The following STEAP1B variants were observed in gnomAD, a reference collection of about 807,000 sequenced individuals.
STEAP1B encodes STEAP family protein MGC87042.
In STEAP1B, 13 loss-of-function variants were observed where a neutral mutation model predicts 27.9. That is an observed-to-expected ratio of 0.47 (90% confidence interval 0.30 to 0.74). STEAP1B has a LOEUF of 0.74. STEAP1B is among the 30% of genes least tolerant of loss of function. The probability of loss-of-function intolerance (pLI) is 0.06; values close to 1 mark genes in which losing one functional copy is unlikely to be tolerated. For synonymous variants in STEAP1B, 86 were observed against 107.1 expected (o/e 0.80, Z 1.22); for missense variants, 250 against 298.7 (o/e 0.84, Z 1.20).
intron 4 of STEAP1B, among the ~76,000 whole-genome samples, chr7:22,429,403 T>A: frequency 6.6e-6 from 1 of 152,360 alleles, no homozygotes; most frequent in East Asian, 1.9e-4. Flanking sequence ...GTTGCATTTT[T>A]TTCAGAAGAA....
At chr7:22,462,360 T>C (rs1191503386) in intron 4 of STEAP1B, among the ~76,000 whole-genome samples, 1 of 134,284 alleles carries the variant, frequency 7.4e-6, no homozygotes, top group Non-Finnish European at 1.6e-5. Context: ...TAGGTATATC[T>C]ACCAATGCTA....
At chr7:22,482,256 A>G (rs1311735688) in intron 4 of STEAP1B, among the ~76,000 whole-genome samples, 7 of 152,164 alleles carry the variant, frequency 4.6e-5, no homozygotes, top group Non-Finnish European at 1.0e-4. Context: ...CCAATGATTT[A>G]CTGGGGGTAT....
At chr7:22,459,594 T>G (rs1785643945) in intron 4 of STEAP1B, among the ~76,000 whole-genome samples, 1 of 152,226 alleles carries the variant, frequency 6.6e-6, no homozygotes, top group Non-Finnish European at 1.5e-5. Context: ...ATGATTTCTG[T>G]ATTTTCCCTG....
intron 4 of STEAP1B, among the ~76,000 whole-genome samples, chr7:22,430,952 C>T (rs1194369036): frequency 6.6e-6 from 1 of 152,242 alleles, no homozygotes; most frequent in East Asian, 1.9e-4. Flanking sequence ...CTGCTTTAGT[C>T]TCCCTGTCAC....
chr7:22,447,810 T>G (rs1785430640), intron 4 of STEAP1B, among the ~76,000 whole-genome samples: 1 of 152,220 alleles, frequency 6.6e-6, no homozygotes, highest in Non-Finnish European at 1.5e-5. Context: ...CACCTAGTAC[T>G]TCGGCAAACA....
chr7:22,448,684 C>G (rs563979492), intron 4 of STEAP1B, among the ~76,000 whole-genome samples: 1 of 151,580 alleles, frequency 6.6e-6, no homozygotes, highest in Non-Finnish European at 1.5e-5. Context: ...TTTTTTTGAA[C>G]ACAGAAAGCA....
rs764814665 is a variant in STEAP1B, at chr7:22,493,466, T to C, written c.455A>G (p.His152Arg). The change falls in exon 3 of 5, where the codon CAT (histidine) becomes CGT (arginine). Residue 152 changes from histidine (H) to arginine (R), a missense_variant. By Grantham distance (29) the His-to-Arg change is conservative (BLOSUM62 0). Coordinates refer to ENST00000678116, the MANE Select transcript of STEAP1B (RefSeq NM_001382447.1). Reference sequence around the variant, plus strand: ...TGTTAACATCCACTTATCCAACCAATGTGGAAACTTCTTATACTTGGTTCC... The same window carrying C: ...TGTTAACATCCACTTATCCAACCAACGTGGAAACTTCTTATACTTGGTTCC... ...HNGTKYKKFP[H>R]WLDKWMLTRK... 3.1e-6 allele frequency: 5 copies of C among 1,613,484 alleles called. No homozygotes were observed. The African/African-American group carries it at 4.0e-5, about 13-fold the overall frequency.
At chr7:22,426,771 AG>A (rs1297091862) in intron 4 of STEAP1B, among the ~76,000 whole-genome samples, 1 of 152,214 alleles carries the variant, frequency 6.6e-6, no homozygotes, top group Non-Finnish European at 1.5e-5. Flanking sequence ...CTGCCTTGAA[AG>A]AGCTTATATT....
intron 4 of STEAP1B, among the ~76,000 whole-genome samples, chr7:22,465,900 G>A (rs1388896680): frequency 6.6e-6 from 1 of 152,154 alleles, no homozygotes; most frequent in Non-Finnish European, 1.5e-5. Flanking sequence ...CCTCCACCTG[G>A]CAGTCTTCAT....
At chr7:22,499,988 A>G (rs1786508742) in intron 1 of STEAP1B, 126 bp downstream of exon 1, 3 of 152,430 alleles carry the variant, frequency 2.0e-5, no homozygotes, top group Non-Finnish European at 2.9e-5. Flanking sequence ...GCCGCCGTCC[A>G]GGTCACGAGA....
chr7:22,439,382 T>C (rs1489449859), intron 4 of STEAP1B, among the ~76,000 whole-genome samples: 2 of 152,160 alleles, frequency 1.3e-5, no homozygotes, highest in South Asian at 4.1e-4. Flanking sequence ...ATGAAGCCCT[T>C]TGCTATTAGA....
Position 22,424,176 on chromosome 7 carries a change from G to T in STEAP1B, c.763-4340C>A, listed in dbSNP as rs146091684. On this transcript the variant is annotated intron_variant, in intron 4 of 4. Transcript: ENST00000678116. Reference sequence around the variant, plus strand: ...CATTTAATGTGAAAAATAACAAAGGGATGATAGATAGCGATTTTACACATT... The same window carrying T: ...CATTTAATGTGAAAAATAACAAAGGTATGATAGATAGCGATTTTACACATT... Among the ~76,000 whole-genome samples, 677 of 152,202 alleles carry T rather than the reference G, an allele frequency of 4.4e-3. 3 individuals are homozygous for T. The highest frequency in any genetic ancestry group is 0.016 in the African/African-American group (656 of 41,532).
chr7:22,446,774 G>A (rs916037603), intron 4 of STEAP1B, among the ~76,000 whole-genome samples: 6 of 152,196 alleles, frequency 3.9e-5, no homozygotes, highest in East Asian at 1.9e-4. Flanking sequence ...GTCCCAAGTT[G>A]AACCCTCCCT....
intron 4 of STEAP1B, among the ~76,000 whole-genome samples, chr7:22,468,420 C>T (rs1785823027): frequency 6.6e-6 from 1 of 152,086 alleles, no homozygotes; most frequent in African/African-American, 2.4e-5. Context: ...TGCAGAGCCA[C>T]CGGAATTCTC....
At chr7:22,435,084 A>G (rs1785237433) in intron 4 of STEAP1B, among the ~76,000 whole-genome samples, 1 of 152,202 alleles carries the variant, frequency 6.6e-6, no homozygotes, top group African/African-American at 2.4e-5. Flanking sequence ...TGTGGTTAAC[A>G]TAGTTCCAGA....
chr7:22,442,120 C>T (rs1210242499), intron 4 of STEAP1B, among the ~76,000 whole-genome samples: 1 of 152,080 alleles, frequency 6.6e-6, no homozygotes, highest in Non-Finnish European at 1.5e-5. Context: ...GAATAAAACC[C>T]AAATGAATGA....
rs1767640381 is a variant in STEAP1B, at chr7:22,493,744, T to C, written c.177A>G (p.Ser59=). The C allele has an allele frequency of 6.2e-7, 1 of 1,613,812 alleles. No individual in the cohort carries two copies. The highest frequency in any genetic ancestry group is 1.1e-5 in the South Asian group (1 of 91,080). Residue 59 remains serine (S), a synonymous_variant, in exon 3 of 5, where the codon TCA becomes TCG. Coordinates refer to ENST00000678116, the MANE Select transcript of STEAP1B (RefSeq NM_001382447.1). ...TAHADEFDCP[S]ELQHAQELFP... ...AGAGTTCCTGTGCGTGCTGAAGTTC[T>C]GAAGGGCAGTCAAATTCATCAGCAT...
intron 4 of STEAP1B, among the ~76,000 whole-genome samples, chr7:22,439,472 T>A (rs76873258): frequency 0.033 from 5,095 of 152,176 alleles, 293 homozygotes; most frequent in African/African-American, 0.12. Context: ...AAAGTAAAAC[T>A]TTTGGAAGCT....
intron 4 of STEAP1B, among the ~76,000 whole-genome samples, chr7:22,427,932 G>C (rs962605863): frequency 3.0e-4 from 46 of 152,224 alleles, no homozygotes; most frequent in Admixed American, 3.0e-3. Flanking sequence ...CTGGCTCTAA[G>C]GGAGGCAAAT....
Sources: allele counts gnomAD v4.1 joint callset (sites outside exome capture counted in the v4.1 genomes callset), GRCh38; gene constraint gnomAD v4.1.1; transcripts MANE v1.5; gene names NCBI Gene and HGNC (gene_info 2026-07-23, HGNC 2026-07-21).